LUC7L2: variants seen among roughly 807,000 people sequenced by gnomAD.
The protein encoded by LUC7L2 is putative RNA-binding protein Luc7-like 2.
In LUC7L2, 25 loss-of-function variants were observed where a neutral mutation model predicts 52.8. That is an observed-to-expected ratio of 0.47 (90% confidence interval 0.34 to 0.66). LUC7L2 has a LOEUF of 0.66. Ranked by LOEUF, LUC7L2 falls within the 30% of genes least tolerant of loss-of-function variation. The pLI, the probability that LUC7L2 is intolerant of heterozygous loss-of-function variation, is 0.01. For missense variants in LUC7L2, 328 were observed against 497.8 expected (o/e 0.66, Z 3.25); for synonymous variants, 144 against 160.9 (o/e 0.89, Z 0.80).
At chr7:139,385,311 C>CTTT (rs58744665) in intron 2 of LUC7L2, among the ~76,000 whole-genome samples, 3 of 118,590 alleles carry the variant, frequency 2.5e-5, no homozygotes, top group Non-Finnish European at 5.4e-5. Context: ...GTTAGGATTA[C>CTTT]TTTTTTTTTT....
At chr7:139,398,939 T>G (rs1569386413) in intron 3 of LUC7L2, among the ~76,000 whole-genome samples, 1 of 152,170 alleles carries the variant, frequency 6.6e-6, no homozygotes. Flanking sequence ...ATTAAGCATA[T>G]TCTTCCCAAC....
rs71169090 is a variant in LUC7L2 at position 139,399,449 on chromosome 7, A to ATTTTTTTTTTTTTT, written c.255+777_255+790dup. ...GGACATGCATATGGGTGTTTGGGGG[A>ATTTTTTTTTTTTTT]TTTTTTTTTTTTTTTTTTTTTTTTT... On this transcript the variant is annotated intron_variant, in intron 3 of 9. Transcript: ENST00000354926. 4.4e-4 allele frequency among the ~76,000 whole-genome samples: 22 copies of ATTTTTTTTTTTTTT among 50,458 alleles called. 4 individuals carry two copies. Among genetic ancestry groups the ATTTTTTTTTTTTTT allele is most frequent in the Non-Finnish European group, 7.3e-4 (19 of 26,116 alleles). 33.1% of individuals were successfully genotyped at this position (50,458 alleles called of 152,430 possible).
At chr7:139,387,493 T>C (rs1172356131) in intron 2 of LUC7L2, among the ~76,000 whole-genome samples, 1 of 152,182 alleles carries the variant, frequency 6.6e-6, no homozygotes, top group Non-Finnish European at 1.5e-5. Context: ...AATTTTTATT[T>C]TATTTATTTA....
At chr7:139,376,236 C>G in intron 2 of LUC7L2, 80 bp downstream of exon 2, 10 of 1,419,514 alleles carry the variant, frequency 7.0e-6, no homozygotes, top group Non-Finnish European at 7.8e-6. Context: ...AATTCTGTGT[C>G]AAAAGAATTG....
At chr7:139,405,129 G>T (rs1456121049) in intron 4 of LUC7L2, among the ~76,000 whole-genome samples, 1 of 152,244 alleles carries the variant, frequency 6.6e-6, no homozygotes, top group Non-Finnish European at 1.5e-5. Flanking sequence ...TTTAAGTGGG[G>T]CTGGGATGTG....
chr7:139,420,682 C>CTGTT (rs150343285), intron 9 of LUC7L2, among the ~76,000 whole-genome samples: 22 of 152,252 alleles, frequency 1.4e-4, no homozygotes, highest in African/African-American at 4.3e-4. Flanking sequence ...ATCACTGGGA[C>CTGTT]TGTTTGGCAT....
chr7:139,410,778 C>T (rs1253244818), intron 7 of LUC7L2, among the ~76,000 whole-genome samples: 5 of 152,152 alleles, frequency 3.3e-5, no homozygotes, highest in South Asian at 2.1e-4. Context: ...TCACTTCCTT[C>T]GATCTTTGAG....
Position 139,417,692 on chromosome 7 carries a change from A to G in LUC7L2, c.964A>G (p.Ser322Gly), listed in dbSNP as rs1795684480. Residue 322 changes from serine (S) to glycine (G), a missense_variant, in exon 9 of 10, where the codon AGT (serine) becomes GGT (glycine). Around this residue, in one of 2 missense-constraint regions of LUC7L2, gnomAD observed 195 missense variants for 223.3 expected, o/e 0.87. Transcript: ENST00000354926. ...RSRSHQRSRH[S>G]SRDRSRERSK... ...CCGTAGCCACCAGAGAAGTCGGCAC[A>G]GTTCTAGAGATAGGAGCAGAGAACG... 6.2e-7 allele frequency: 1 copy of G among 1,614,214 alleles called. No individual in the cohort carries two copies. Among genetic ancestry groups the G allele is most frequent in the Non-Finnish European group, 8.5e-7 (1 of 1,180,044 alleles).
chr7:139,374,526 G>A (rs940656141), intron 1 of LUC7L2: 2 of 1,548,134 alleles, frequency 1.3e-6, no homozygotes. Context: ...AAAAGCAGTT[G>A]TGTTTAAAAG....
At chr7:139,354,786 A>C (rs1484909305) in intron 1 of LUC7L2, among the ~76,000 whole-genome samples, 1 of 152,146 alleles carries the variant, frequency 6.6e-6, no homozygotes. Flanking sequence ...AATCACACCC[A>C]CTTTAAGCTA....
intron 1 of LUC7L2, 33 bp downstream of exon 1, chr7:139,360,355 AGGGGAC>A (rs766326002): frequency 8.7e-6 from 11 of 1,268,760 alleles, no homozygotes; most frequent in Admixed American, 2.0e-5. Flanking sequence ...GGGGTGGGGG[AGGGGAC>A]GGGGACGGCG....
At chr7:139,348,769 T>C (rs1799354258) in intron 1 of LUC7L2, among the ~76,000 whole-genome samples, 1 of 152,200 alleles carries the variant, frequency 6.6e-6, no homozygotes, top group African/African-American at 2.4e-5. Context: ...TTACCAGATT[T>C]GTGATCTTGG....
chr7:139,348,608 A>G (rs944735316), intron 1 of LUC7L2, among the ~76,000 whole-genome samples: 2 of 151,666 alleles, frequency 1.3e-5, no homozygotes, highest in African/African-American at 4.8e-5. Flanking sequence ...AGTCCCAGCT[A>G]CTCTGGAGGC....
intron 1 of LUC7L2, among the ~76,000 whole-genome samples, chr7:139,373,862 T>C (rs1317727173): frequency 6.6e-6 from 1 of 152,340 alleles, no homozygotes; most frequent in African/African-American, 2.4e-5. Flanking sequence ...TACCAAAACA[T>C]TTAGATACTT....
intron 1 of LUC7L2, among the ~76,000 whole-genome samples, chr7:139,347,832 C>T (rs1799319316): frequency 6.6e-6 from 1 of 152,064 alleles, no homozygotes; most frequent in Non-Finnish European, 1.5e-5. Context: ...TCCTGAGTGG[C>T]TGGGACTGCA....
upstream of LUC7L2, among the ~76,000 whole-genome samples, chr7:139,357,245 C>T (rs973625876): frequency 1.3e-5 from 2 of 151,894 alleles, no homozygotes; most frequent in African/African-American, 4.8e-5. Context: ...ATAGATGAGA[C>T]AAATAGGCAA....
rs1554399476 is a variant in LUC7L2, at chr7:139,423,340, C to CCA, written c.*1002_*1003dup. ...GGGCCCCTTGCTGACTATATTCCAG[C>CCA]CACTTCAGGGTTGTTTGTAATGACC... On this transcript the variant is annotated 3_prime_UTR_variant, in exon 10 of 10. Transcript: ENST00000354926. 2.5e-6 allele frequency: 1 copy of CCA among 398,842 alleles called. No homozygotes were observed. The highest frequency in any genetic ancestry group is 4.4e-6 in the Non-Finnish European group (1 of 226,052). The allele number at this position is 398,842 out of a possible 1,614,324, so 24.7% of individuals were successfully genotyped here.
At chr7:139,395,575 C>T (rs986625366) in intron 2 of LUC7L2, among the ~76,000 whole-genome samples, 11 of 152,140 alleles carry the variant, frequency 7.2e-5, no homozygotes, top group Non-Finnish European at 1.0e-4. Context: ...AGAATTTATA[C>T]GTTCCCATTC....
At chr7:139,381,387 T>TTTA (rs1801012647) in intron 2 of LUC7L2, among the ~76,000 whole-genome samples, 32 of 110,202 alleles carry the variant, frequency 2.9e-4, no homozygotes, top group African/African-American at 8.0e-4. Flanking sequence ...TTTATTTTAT[T>TTTA]TTTTATTTTA....
Sources: allele counts gnomAD v4.1 joint callset (sites outside exome capture counted in the v4.1 genomes callset), GRCh38; gene constraint gnomAD v4.1.1; regional missense constraint gnomAD v4.1.1; transcripts MANE v1.5; gene names NCBI Gene and HGNC (gene_info 2026-07-23, HGNC 2026-07-21).